The following DNAH5 variants were observed in gnomAD, a reference collection of about 807,000 sequenced individuals.
DNAH5 encodes axonemal beta dynein heavy chain 5.
A neutral mutation model predicts 518.2 loss-of-function variants in DNAH5; 372 were observed. The ratio of observed to expected loss-of-function variants is 0.72; its 90% CI spans 0.66 to 0.78. The LOEUF (loss-of-function observed/expected upper bound fraction) is 0.78. Among genes scored for constraint, DNAH5 ranks in the 30% least tolerant of loss-of-function variants. The pLI is 0.00. For missense variants in DNAH5, 5,523 were observed against 5,687.0 expected (o/e 0.97, Z 0.93); for synonymous variants, 2,039 against 2,025.9 (o/e 1.01, Z -0.17).
chr5:13,912,458 A>G (rs565762764), intron 11 of DNAH5, among the ~76,000 whole-genome samples: 1 of 141,816 alleles, frequency 7.1e-6, no homozygotes, highest in East Asian at 2.5e-4. Flanking sequence ...GTGTGTATGC[A>G]TGGAATGTTA....
chr5:13,802,035 A>C (rs1366887724), intron 47 of DNAH5, among the ~76,000 whole-genome samples: 5 of 152,182 alleles, frequency 3.3e-5, no homozygotes, highest in Non-Finnish European at 2.9e-5. Flanking sequence ...TCTTCTAAAA[A>C]TGTCACTTCT....
At chr5:13,743,111 A>G (rs1332861824) in intron 65 of DNAH5, among the ~76,000 whole-genome samples, 4 of 152,098 alleles carry the variant, frequency 2.6e-5, no homozygotes, top group Admixed American at 2.6e-4. Flanking sequence ...ATGAGGCAAA[A>G]TTAATCACAA....
rs746812630 is a variant in DNAH5 at position 13,807,724 on chromosome 5, G to T, written c.7754C>A (p.Ala2585Asp). Residue 2585 changes from alanine to aspartate, a missense_variant and splice_region_variant, in exon 47 of 79, where the codon GCT becomes GAT. Transcript: ENST00000265104. ...TCCTTGTTCACCAATTAATAGCACA[G>T]CCTAAAATAGAGGGAATTGAAAAAA... ...LIQTIAKQGK[A>D]VLLIGEQGTA... 1 of 1,602,956 alleles carries T rather than the reference G, an allele frequency of 6.2e-7. No individual in the cohort carries two copies. Among genetic ancestry groups the T allele is most frequent in the South Asian group, 1.1e-5 (1 of 89,656 alleles).
intron 59 of DNAH5, among the ~76,000 whole-genome samples, chr5:13,763,248 T>C (rs1160885105): frequency 6.6e-6 from 1 of 152,208 alleles, no homozygotes; most frequent in African/African-American, 2.4e-5. Context: ...TAATCCTAAA[T>C]GGATGAATTA....
chr5:13,749,527 G>C (rs1222188388), intron 65 of DNAH5, among the ~76,000 whole-genome samples: 1 of 152,076 alleles, frequency 6.6e-6, no homozygotes, highest in Non-Finnish European at 1.5e-5. Context: ...TGTTTTTGTT[G>C]TTGCTGTTGC....
intron 22 of DNAH5, among the ~76,000 whole-genome samples, chr5:13,874,534 TC>T (rs912120534): frequency 2.6e-5 from 4 of 152,118 alleles, no homozygotes; most frequent in African/African-American, 7.2e-5. Flanking sequence ...ATTTTTTTTT[TC>T]GAGACAAAGT....
chr5:13,798,399 T>C (rs111706672), intron 47 of DNAH5, among the ~76,000 whole-genome samples: 260 of 152,242 alleles, frequency 1.7e-3, no homozygotes, highest in African/African-American at 5.8e-3. Context: ...AGAAAGGGCT[T>C]TGAAGTTCTC....
chr5:13,701,564 G>C, intron 76 of DNAH5, 128 bp from the exon 77 acceptor site: 1 of 903,800 alleles, frequency 1.1e-6, no homozygotes. Context: ...AAGTCCCTAA[G>C]TCATGAATTT....
chr5:13,705,481 A>T (rs1395729809), intron 76 of DNAH5, among the ~76,000 whole-genome samples: 1 of 152,184 alleles, frequency 6.6e-6, no homozygotes, highest in Non-Finnish European at 1.5e-5. Context: ...AGTAAAATAA[A>T]TTTTAAAATA....
intron 46 of DNAH5, among the ~76,000 whole-genome samples, chr5:13,808,187 A>G (rs916505265): frequency 6.7e-6 from 1 of 148,460 alleles, no homozygotes; most frequent in Non-Finnish European, 1.5e-5. Flanking sequence ...CCCAGATTAC[A>G]CTATTGCACT....
At chr5:13,969,533 T>C (rs1021926680) in intron 1 of DNAH5, among the ~76,000 whole-genome samples, 2 of 152,198 alleles carry the variant, frequency 1.3e-5, no homozygotes, top group African/African-American at 4.8e-5. Context: ...TCAATGAATT[T>C]TTTAATTTCC....
At chr5:13,916,797 AC>A (rs1258499470) in intron 8 of DNAH5, among the ~76,000 whole-genome samples, 10 of 152,090 alleles carry the variant, frequency 6.6e-5, no homozygotes, top group African/African-American at 1.9e-4. Flanking sequence ...TTAAAAAAAA[AC>A]ATCACTAGCT....
intron 38 of DNAH5, among the ~76,000 whole-genome samples, chr5:13,826,136 T>C (rs971845067): frequency 1.3e-5 from 2 of 152,206 alleles, no homozygotes; most frequent in African/African-American, 4.8e-5. Flanking sequence ...TGCAGTTAAA[T>C]CTGTGGGCAT....
At chr5:13,891,385 A>G (rs894057778) in intron 16 of DNAH5, among the ~76,000 whole-genome samples, 1 of 152,204 alleles carries the variant, frequency 6.6e-6, no homozygotes, top group Admixed American at 6.5e-5. Context: ...CATTCTTATT[A>G]TAAAGTTTTT....
chr5:13,901,243 G>C lies in DNAH5; in HGVS notation c.2052+9C>G. 1 of 1,612,260 alleles carries C rather than the reference G, an allele frequency of 6.2e-7. No individual in the cohort carries two copies. Among genetic ancestry groups the C allele is most frequent in the Non-Finnish European group, 8.5e-7 (1 of 1,179,788 alleles). ...CAACAATGGGAAGAGTATAAATTTA[G>C]GGACTCACTTGCCGAAGCCACGCCC... is the stretch of plus-strand genomic sequence containing the variant. On this transcript the variant is annotated intron_variant, in intron 14 of 78. Coordinates refer to ENST00000265104, the MANE Select transcript of DNAH5 (RefSeq NM_001369.3).
intron 3 of DNAH5, among the ~76,000 whole-genome samples, chr5:13,926,962 G>A (rs990910630): frequency 3.9e-5 from 6 of 152,104 alleles, no homozygotes; most frequent in Non-Finnish European, 5.9e-5. Flanking sequence ...ATGCCAGTTC[G>A]AATTTGCATG....
chr5:13,805,842 A>C (rs1218526401), intron 47 of DNAH5, among the ~76,000 whole-genome samples: 3 of 152,206 alleles, frequency 2.0e-5, no homozygotes. Context: ...ATTTGTAGCC[A>C]CTTGGTCAGA....
intron 1 of DNAH5, among the ~76,000 whole-genome samples, chr5:13,959,909 A>G (rs1376408451): frequency 6.6e-6 from 1 of 152,134 alleles, no homozygotes; most frequent in African/African-American, 2.4e-5. Context: ...TGGAGGTTGC[A>G]GTGAGCCGAG....
intron 65 of DNAH5, among the ~76,000 whole-genome samples, chr5:13,745,322 A>G (rs1749181066): frequency 6.6e-6 from 1 of 152,088 alleles, no homozygotes; most frequent in Admixed American, 6.6e-5. Context: ...AAATCTACTC[A>G]CAGGTGCATC....
Sources: allele counts gnomAD v4.1 joint callset (sites outside exome capture counted in the v4.1 genomes callset), GRCh38; gene constraint gnomAD v4.1.1; transcripts MANE v1.5; gene names NCBI Gene and HGNC (gene_info 2026-07-23, HGNC 2026-07-21).